AFF3: variants seen among roughly 807,000 people sequenced by gnomAD.
AFF3 encodes the protein AF4/FMR2 family member 3.
Under a neutral mutation model 129.7 loss-of-function variants are expected in AFF3, and 32 were observed. That is an observed-to-expected ratio of 0.25 (90% CI 0.19 to 0.33). The LOEUF is 0.33. Ranked by LOEUF, AFF3 falls within the 10% of genes least tolerant of loss-of-function variation. The pLI is 1.00. For missense variants in AFF3, 1,373 were observed against 1,592.0 expected (o/e 0.86, Z 2.34); for synonymous variants, 644 against 635.4 (o/e 1.01, Z -0.20).
chr2:99,997,482 C>T (rs575138593), intron 7 of AFF3, among the ~76,000 whole-genome samples: 17 of 151,968 alleles, frequency 1.1e-4, no homozygotes, highest in South Asian at 8.3e-4. Flanking sequence ...ATCACCCCCC[C>T]CCCAGATTAG....
intron 13 of AFF3, among the ~76,000 whole-genome samples, chr2:99,602,869 G>A (rs886176331): frequency 2.0e-5 from 3 of 152,214 alleles, no homozygotes; most frequent in Non-Finnish European, 2.9e-5. Flanking sequence ...GGTGGGGATG[G>A]AGGTAATACT....
At chr2:100,040,190 T>A (rs545629270) in intron 4 of AFF3, among the ~76,000 whole-genome samples, 9 of 152,234 alleles carry the variant, frequency 5.9e-5, no homozygotes, top group Non-Finnish European at 1.3e-4. Context: ...CCAGTGTTAT[T>A]AAGTAATATG....
chr2:99,761,342 A>G (rs578242011), intron 8 of AFF3, among the ~76,000 whole-genome samples: 2 of 152,204 alleles, frequency 1.3e-5, no homozygotes, highest in African/African-American at 4.8e-5. Context: ...CCATATCCCA[A>G]TTTTCAGGAG....
chr2:99,665,397 G>A (rs1173145107), intron 12 of AFF3, among the ~76,000 whole-genome samples: 1 of 152,162 alleles, frequency 6.6e-6, no homozygotes, highest in African/African-American at 2.4e-5. Flanking sequence ...TAGAGATGAA[G>A]TGACTACCTG....
chr2:99,892,314 AAAT>A (rs1693632576), intron 7 of AFF3, among the ~76,000 whole-genome samples: 1 of 152,242 alleles, frequency 6.6e-6, no homozygotes, highest in Non-Finnish European at 1.5e-5. Flanking sequence ...TTACACTTGA[AAAT>A]AATATGTAGC....
chr2:99,919,206 A>G (rs1353127162), intron 7 of AFF3, among the ~76,000 whole-genome samples: 1 of 152,192 alleles, frequency 6.6e-6, no homozygotes, highest in Non-Finnish European at 1.5e-5. Flanking sequence ...TGGATGATCC[A>G]TGAGCATAAA....
At chr2:99,908,643 C>A (rs1427381711) in intron 7 of AFF3, among the ~76,000 whole-genome samples, 1 of 152,146 alleles carries the variant, frequency 6.6e-6, no homozygotes, top group Admixed American at 6.5e-5. Flanking sequence ...AAACAAACAA[C>A]CCCATCAAAA....
Position 100,109,325 on chromosome 2 carries a change from G to A in AFF3, c.-144-3742C>T, listed in dbSNP as rs533881209. ...TGCTCCTTATACAGCCGGTACTAAA[G>A]GCTGGTGGGTGAAGCTTACCACATT... is the stretch of plus-strand genomic sequence containing the variant. On this transcript the variant is annotated intron_variant, in intron 2 of 24. Transcript: ENST00000672756. 2.1e-5 allele frequency among the ~76,000 whole-genome samples: 3 copies of A among 143,498 alleles called. No individual in the cohort carries two copies. In the South Asian group the frequency reaches 7.4e-4, roughly 35 times the overall value. 94.1% of individuals were successfully genotyped at this position (143,498 alleles called of 152,430 possible).
chr2:100,029,802 T>C (rs965936798), intron 4 of AFF3, among the ~76,000 whole-genome samples: 2 of 152,230 alleles, frequency 1.3e-5, no homozygotes, highest in African/African-American at 4.8e-5. Flanking sequence ...CAGTGGCTCA[T>C]GCCTGTAATC....
At chr2:99,821,596 T>C (rs573027690) in intron 8 of AFF3, among the ~76,000 whole-genome samples, 31 of 152,346 alleles carry the variant, frequency 2.0e-4, no homozygotes, top group Non-Finnish European at 3.7e-4. Context: ...AGCCCGCAGA[T>C]TGGACCAGCT....
At chr2:99,623,504 G>A (rs1682248723) in intron 13 of AFF3, among the ~76,000 whole-genome samples, 1 of 152,326 alleles carries the variant, frequency 6.6e-6, no homozygotes, top group African/African-American at 2.4e-5. Context: ...ACCTCTGCCA[G>A]CCCAGGATGG....
At chr2:100,078,200 C>T (rs1477943863) in intron 4 of AFF3, among the ~76,000 whole-genome samples, 5 of 152,142 alleles carry the variant, frequency 3.3e-5, no homozygotes, top group Admixed American at 2.0e-4. Flanking sequence ...CAGGCTCAGC[C>T]CAGGTACCAC....
At chr2:99,778,597 T>A (rs1684128637) in intron 8 of AFF3, among the ~76,000 whole-genome samples, 1 of 152,226 alleles carries the variant, frequency 6.6e-6, no homozygotes, top group Non-Finnish European at 1.5e-5. Flanking sequence ...CTTAACAATA[T>A]TAAGTCTTCC....
At chr2:99,846,989 C>G (rs1382410664) in intron 7 of AFF3, among the ~76,000 whole-genome samples, 1 of 152,092 alleles carries the variant, frequency 6.6e-6, no homozygotes, top group African/African-American at 2.4e-5. Flanking sequence ...TAAATAAATA[C>G]AGCTAAAATC....
intron 7 of AFF3, among the ~76,000 whole-genome samples, chr2:99,891,357 T>C (rs757164241): frequency 1.3e-5 from 2 of 152,172 alleles, no homozygotes; most frequent in Non-Finnish European, 2.9e-5. Flanking sequence ...AGGCTTTTGC[T>C]GTCTCCGGGA....
chr2:99,614,134 A>G lies in AFF3; in HGVS notation c.1185-12513T>C, dbSNP rs190549590. Among the ~76,000 whole-genome samples, 346 of 152,236 alleles carry G rather than the reference A, an allele frequency of 2.3e-3. 3 individuals are homozygous for G. The highest frequency in any genetic ancestry group is 7.9e-3 in the African/African-American group (330 of 41,550). On this transcript the variant is annotated intron_variant, in intron 13 of 24. Transcript: ENST00000672756. ...AACTCTGAACCAGGAGTGGGATGGG[A>G]GTAGAGAATGGCCTGGGGAAGGGAT... is the stretch of plus-strand genomic sequence containing the variant.
At chr2:99,653,872 T>C (rs931287606) in intron 12 of AFF3, among the ~76,000 whole-genome samples, 9 of 45,290 alleles carry the variant, frequency 2.0e-4, no homozygotes, top group African/African-American at 6.5e-4. Flanking sequence ...CCTGCACTGC[T>C]TTTTTTCTTT....
At chr2:100,098,833 A>G (rs1690483094) in intron 4 of AFF3, among the ~76,000 whole-genome samples, 1 of 104,778 alleles carries the variant, frequency 9.5e-6, no homozygotes, top group Non-Finnish European at 2.0e-5. Context: ...TTTCTCCAAA[A>G]CACACCCCAC....
chr2:99,626,934 A>G (rs755069749), intron 13 of AFF3, among the ~76,000 whole-genome samples: 3 of 152,170 alleles, frequency 2.0e-5, no homozygotes, highest in African/African-American at 4.8e-5. Flanking sequence ...GCATAGTAGC[A>G]TAGTATTCCA....
Sources: allele counts gnomAD v4.1 joint callset (sites outside exome capture counted in the v4.1 genomes callset), GRCh38; gene constraint gnomAD v4.1.1; transcripts MANE v1.5; gene names NCBI Gene and HGNC (gene_info 2026-07-23, HGNC 2026-07-21).